Variants in COL6A6 observed in about 807,000 individuals in gnomAD.
The protein encoded by COL6A6 is collagen alpha-6(VI) chain.
A neutral mutation model predicts 208.6 loss-of-function variants in COL6A6; 183 were observed. That is an observed-to-expected ratio of 0.88 (90% CI 0.78 to 0.99). The LOEUF (loss-of-function observed/expected upper bound fraction) is 0.99. COL6A6 is among the 50% of genes least tolerant of loss of function. The pLI is 0.00. For missense variants in COL6A6, 2,816 were observed against 2,815.2 expected (o/e 1.00, Z -0.01); for synonymous variants, 973 against 1,011.8 (o/e 0.96, Z 0.73).
intron 8 of COL6A6, among the ~76,000 whole-genome samples, chr3:130,579,588 T>C (rs1021569118): frequency 1.3e-4 from 20 of 152,198 alleles, no homozygotes; most frequent in Admixed American, 2.6e-4. Flanking sequence ...TTCTTAAATA[T>C]TTTGCTTTTA....
At chr3:130,667,028 C>T (rs2066092170) in intron 36 of COL6A6, among the ~76,000 whole-genome samples, 1 of 152,078 alleles carries the variant, frequency 6.6e-6, no homozygotes, top group African/African-American at 2.4e-5. Flanking sequence ...TATTGAATAA[C>T]TTTAGTGGAA....
At chr3:130,654,542 A>AC (rs2065735439) in intron 33 of COL6A6, among the ~76,000 whole-genome samples, 1 of 152,210 alleles carries the variant, frequency 6.6e-6, no homozygotes, top group Admixed American at 6.5e-5. Context: ...GATCACAAAA[A>AC]CCAATTTAAG....
rs546204141 is a variant in COL6A6 at position 130,669,099 on chromosome 3, TTAA to T, written c.6596+4009_6596+4011del. On this transcript the variant is annotated intron_variant, in intron 36 of 36. Transcript: ENST00000358511. Reference sequence around the variant, plus strand: ...GACCACAATGCAATTAAGTTAGAAATTAATAATATTTTAGGCTGGGCACGGTGG... The same window carrying T: ...GACCACAATGCAATTAAGTTAGAAATTAATATTTTAGGCTGGGCACGGTGG... 7.9e-5 allele frequency among the ~76,000 whole-genome samples: 12 copies of T among 152,274 alleles called. No homozygotes were observed. The South Asian group carries it at 2.1e-3, about 26-fold the overall frequency.
intron 10 of COL6A6, among the ~76,000 whole-genome samples, chr3:130,585,610 A>C (rs1386874940): frequency 1.3e-5 from 2 of 152,220 alleles, no homozygotes; most frequent in African/African-American, 2.4e-5. Flanking sequence ...TTGGTCCTTA[A>C]CCAACAGTTT....
chr3:130,580,732 A>G (rs2063398880), intron 8 of COL6A6, among the ~76,000 whole-genome samples: 1 of 152,258 alleles, frequency 6.6e-6, no homozygotes, highest in Non-Finnish European at 1.5e-5. Context: ...AACTGCCTTT[A>G]GGACACTCAG....
chr3:130,603,434 T>A (rs2064085617), intron 20 of COL6A6, among the ~76,000 whole-genome samples: 1 of 152,132 alleles, frequency 6.6e-6, no homozygotes, highest in Non-Finnish European at 1.5e-5. Context: ...TAATAAGCTG[T>A]TACCAGTGCT....
intron 8 of COL6A6, among the ~76,000 whole-genome samples, chr3:130,578,202 G>A (rs1294582522): frequency 6.6e-6 from 1 of 152,124 alleles, no homozygotes; most frequent in Non-Finnish European, 1.5e-5. Context: ...ATGGATAGAT[G>A]AATCAAGAGG....
At chr3:130,672,807 A>G (rs55659441) in intron 36 of COL6A6, among the ~76,000 whole-genome samples, 39,913 of 151,132 alleles carry the variant, frequency 0.26, 5,802 homozygotes, top group South Asian at 0.36. Flanking sequence ...TCAAGAAATC[A>G]AAACCATCCT....
chr3:130,569,410 A>G (rs2107919579), intron 6 of COL6A6, among the ~76,000 whole-genome samples: 1 of 152,306 alleles, frequency 6.6e-6, no homozygotes, highest in East Asian at 1.9e-4. Context: ...AGAGTAATGG[A>G]AATGATCAAA....
intron 32 of COL6A6, among the ~76,000 whole-genome samples, chr3:130,648,689 A>G (rs1272356427): frequency 6.6e-6 from 1 of 152,212 alleles, no homozygotes; most frequent in African/African-American, 2.4e-5. Flanking sequence ...CTTATTAAGT[A>G]AAAAAAGAAA....
chr3:130,591,006 A>G, intron 12 of COL6A6, 35 bp from the exon 13 acceptor site: 1 of 1,521,546 alleles, frequency 6.6e-7, no homozygotes, highest in Non-Finnish European at 9.0e-7. Flanking sequence ...TTTGGTCCAT[A>G]GATGCAAATG....
At chr3:130,621,690 T>G in intron 23 of COL6A6, 131 bp from the exon 24 acceptor site, 1 of 636,846 alleles carries the variant, frequency 1.6e-6, no homozygotes, top group South Asian at 2.5e-5. Context: ...AATACTTTTT[T>G]CCAGAGCAAG....
chr3:130,589,016 G>A (rs1448568322), intron 11 of COL6A6, 74 bp from the exon 12 acceptor site: 11 of 1,095,344 alleles, frequency 1.0e-5, no homozygotes, highest in South Asian at 4.2e-5. Context: ...AGTCTGGATC[G>A]CATGGTTGAA....
At chr3:130,584,949 T>G (rs1379540469) in intron 10 of COL6A6, among the ~76,000 whole-genome samples, 1 of 152,190 alleles carries the variant, frequency 6.6e-6, no homozygotes, top group East Asian at 1.9e-4. Flanking sequence ...CCATTCTGTT[T>G]GCCTCTCTTG....
intron 8 of COL6A6, 35 bp downstream of exon 8, chr3:130,574,560 A>G (rs2063251180): frequency 6.5e-7 from 1 of 1,537,810 alleles, no homozygotes; most frequent in Non-Finnish European, 8.9e-7. Context: ...TCGATTCCCT[A>G]CACCATCTTC....
intron 6 of COL6A6, among the ~76,000 whole-genome samples, chr3:130,570,240 T>A (rs1007917096): frequency 1.3e-5 from 2 of 152,222 alleles, no homozygotes; most frequent in Admixed American, 6.5e-5. Context: ...CGAAGTGGGC[T>A]TATTTCTATG....
At position 130,581,606 on chromosome 3, in the gene COL6A6, A is replaced by C; in HGVS notation, c.3593A>C (p.Glu1198Ala). 6.2e-7 allele frequency: 1 copy of C among 1,613,572 alleles called. No individual in the cohort carries two copies. The highest frequency in any genetic ancestry group is 8.5e-7 in the Non-Finnish European group (1 of 1,179,630). ...VVVGFDVSTQ[E>A]KGQTLLEGQP... ...GTGGGATTTGATGTCTCAACTCAGG[A>C]GAAAGGGCAGACTTTGCTTGAAGGT... The change falls in exon 9 of 37, where the codon GAG (glutamate) becomes GCG (alanine). Residue 1198 changes from glutamate (E) to alanine (A), a missense_variant. Coordinates refer to ENST00000358511, the MANE Select transcript of COL6A6 (RefSeq NM_001102608.3).
chr3:130,593,140 G>A, intron 16 of COL6A6, 35 bp downstream of exon 16: 1 of 1,612,184 alleles, frequency 6.2e-7, no homozygotes, highest in Non-Finnish European at 8.5e-7. Context: ...ACCCTTCTGA[G>A]CTATTTACCA....
At chr3:130,657,615 C>G (rs1233023822) in intron 33 of COL6A6, among the ~76,000 whole-genome samples, 1 of 152,190 alleles carries the variant, frequency 6.6e-6, no homozygotes, top group African/African-American at 2.4e-5. Flanking sequence ...GATAGGTTTT[C>G]AGTTAGTACG....
Sources: allele counts gnomAD v4.1 joint callset (sites outside exome capture counted in the v4.1 genomes callset), GRCh38; gene constraint gnomAD v4.1.1; transcripts MANE v1.5; gene names NCBI Gene and HGNC (gene_info 2026-07-23, HGNC 2026-07-21).